SIDT1: variants seen among roughly 807,000 people sequenced by gnomAD.
The protein encoded by SIDT1 is SID1 transmembrane family member 1, also known as SID1 transmembrane family, member 1.
In SIDT1, 101 loss-of-function variants were observed where a neutral mutation model predicts 107.5. The ratio of observed to expected loss-of-function variants is 0.94; its 90% confidence interval spans 0.80 to 1.11. The LOEUF is 1.11. Among genes scored for constraint, SIDT1 ranks in the 50% least tolerant of loss-of-function variants. The pLI is 0.00. For synonymous variants in SIDT1, 395 were observed against 398.2 expected (o/e 0.99, Z 0.10); for missense variants, 1,076 against 1,058.2 (o/e 1.02, Z -0.23).
At chr3:113,636,928 C>T in the SIDT1 span, among the ~76,000 whole-genome samples, 1 of 152,178 alleles carries the variant, frequency 6.6e-6, no homozygotes, top group South Asian at 2.1e-4. Context: ...TCCTTAACAA[C>T]AGCCCTGTGA....
At chr3:113,624,115 C>A (rs1946678574) in intron 23 of SIDT1, among the ~76,000 whole-genome samples, 1 of 152,182 alleles carries the variant, frequency 6.6e-6, no homozygotes, top group African/African-American at 2.4e-5. Context: ...GATAACAGAG[C>A]CGAAGCCTAG....
chr3:113,554,398 T>C (rs934093299), intron 1 of SIDT1, among the ~76,000 whole-genome samples: 5 of 152,112 alleles, frequency 3.3e-5, no homozygotes, highest in Non-Finnish European at 7.4e-5. Context: ...GTAATCCCCA[T>C]GTGTCATGGG....
intron 14 of SIDT1, among the ~76,000 whole-genome samples, chr3:113,606,187 A>G (rs1293568383): frequency 6.6e-6 from 1 of 152,194 alleles, no homozygotes; most frequent in African/African-American, 2.4e-5. Flanking sequence ...GGCCTTCTAT[A>G]GAATTTATTA....
chr3:113,600,614 AG>A (rs1279609234), intron 10 of SIDT1, among the ~76,000 whole-genome samples: 30 of 152,348 alleles, frequency 2.0e-4, no homozygotes, highest in South Asian at 4.1e-4. Context: ...GCAGCAGCAA[AG>A]CTCTATGCTG....
Position 113,616,166 on chromosome 3 carries a change from C to T in SIDT1, c.2033C>T (p.Pro678Leu). Residue 678 changes from proline to leucine, a missense_variant, in exon 20 of 25, where the codon CCT (proline) becomes CTT (leucine). Transcript: ENST00000264852. ...YTDCIQQCSR[P>L]LYMDRMVLLV... ...GACTGTATCCAGCAGTGTAGCCGAC[C>T]TCTATATATGGTATGTGCATGTTCC... 1 of 1,612,664 alleles carries T rather than the reference C, an allele frequency of 6.2e-7. No homozygotes were observed. Among genetic ancestry groups the T allele is most frequent in the Non-Finnish European group, 8.5e-7 (1 of 1,178,666 alleles).
At chr3:113,608,347 T>A in intron 16 of SIDT1, 72 bp from the exon 17 acceptor site, 2 of 1,536,580 alleles carry the variant, frequency 1.3e-6, no homozygotes, top group Non-Finnish European at 1.8e-6. Context: ...CAGAAGCATG[T>A]GCTTCCAGAT....
intron 1 of SIDT1, among the ~76,000 whole-genome samples, chr3:113,538,931 A>G (rs948131114): frequency 5.3e-5 from 8 of 152,134 alleles, no homozygotes; most frequent in African/African-American, 1.7e-4. Flanking sequence ...TCTTTTTTTT[A>G]TGGTAGCCAC....
At chr3:113,560,955 G>T (rs1941375771) in intron 1 of SIDT1, among the ~76,000 whole-genome samples, 2 of 152,060 alleles carry the variant, frequency 1.3e-5, no homozygotes, top group Non-Finnish European at 2.9e-5. Context: ...ATCTCTCTTA[G>T]CTAGCTATAA....
chr3:113,616,693 A>AT (rs33991386), intron 20 of SIDT1, among the ~76,000 whole-genome samples: 16,458 of 146,582 alleles, frequency 0.11, 984 homozygotes, highest in Non-Finnish European at 0.13. Context: ...ATAATAAAGA[A>AT]TTTTTTTTTT....
At chr3:113,588,805 G>A (rs1175004892) in intron 9 of SIDT1, 2 of 143,742 alleles carry the variant, frequency 1.4e-5, no homozygotes, top group Non-Finnish European at 3.0e-5. Flanking sequence ...CCACAATAAT[G>A]CTACATTAAA....
chr3:113,621,464 G>A (rs1025910171), intron 21 of SIDT1, among the ~76,000 whole-genome samples: 3 of 151,806 alleles, frequency 2.0e-5, no homozygotes, highest in Non-Finnish European at 2.9e-5. Context: ...AAAAAAGAAC[G>A]AAGTCAGTTG....
chr3:113,590,528 T>A (rs187564784), intron 9 of SIDT1, among the ~76,000 whole-genome samples: 4 of 152,366 alleles, frequency 2.6e-5, no homozygotes, highest in African/African-American at 7.2e-5. Flanking sequence ...ATTCTGTGAT[T>A]TTTTAGGATA....
intron 1 of SIDT1, among the ~76,000 whole-genome samples, chr3:113,553,770 G>T (rs1022238326): frequency 1.3e-5 from 2 of 152,204 alleles, no homozygotes; most frequent in Non-Finnish European, 1.5e-5. Context: ...ATGAAGCCAG[G>T]CGTGGTGGCT....
chr3:113,611,067 C>T lies in SIDT1; in HGVS notation c.1780C>T (p.His594Tyr). 6.2e-7 allele frequency: 1 copy of T among 1,614,150 alleles called. No homozygotes were observed. Among genetic ancestry groups the T allele is most frequent in the Non-Finnish European group, 8.5e-7 (1 of 1,180,020 alleles). ...CATGCTGAAGCTCTATCAGACCCGC[C>T]ACCCAGACATCAATGCCAGCGCCTA... ...LCMLKLYQTR[H>Y]PDINASAYSA... Residue 594 changes from histidine (H) to tyrosine (Y), a missense_variant, in exon 18 of 25, where the codon CAC becomes TAC. Coordinates refer to ENST00000264852, the MANE Select transcript of SIDT1 (RefSeq NM_017699.3).
intron 19 of SIDT1, chr3:113,615,145 C>A: frequency 6.8e-7 from 1 of 1,476,986 alleles, no homozygotes; most frequent in Non-Finnish European, 9.1e-7. Context: ...CCTGGCTGTC[C>A]TGGCAGCCCT....
intron 1 of SIDT1, among the ~76,000 whole-genome samples, chr3:113,537,775 G>A (rs1300982846): frequency 3.9e-5 from 6 of 152,284 alleles, no homozygotes; most frequent in African/African-American, 1.2e-4. Flanking sequence ...AGTCTTTCAC[G>A]TGTCCTCTTC....
At chr3:113,614,923 A>T (rs970873168) in intron 19 of SIDT1, 5 of 799,220 alleles carry the variant, frequency 6.3e-6, no homozygotes, top group Non-Finnish European at 1.0e-5. Flanking sequence ...ACAAGTAAGC[A>T]TTACTTTTAT....
At chr3:113,573,998 C>T (rs1202296090) in intron 3 of SIDT1, among the ~76,000 whole-genome samples, 1 of 152,108 alleles carries the variant, frequency 6.6e-6, no homozygotes, top group Non-Finnish European at 1.5e-5. Flanking sequence ...ACATGGAATA[C>T]TCCTAGAAGC....
intron 10 of SIDT1, among the ~76,000 whole-genome samples, chr3:113,598,851 G>A (rs116055004): frequency 6.6e-6 from 1 of 152,228 alleles, no homozygotes; most frequent in Non-Finnish European, 1.5e-5. Flanking sequence ...CTTAGACCAG[G>A]CATGGTGGCT....
Sources: allele counts gnomAD v4.1 joint callset (sites outside exome capture counted in the v4.1 genomes callset), GRCh38; gene constraint gnomAD v4.1.1; transcripts MANE v1.5; gene names NCBI Gene and HGNC (gene_info 2026-07-23, HGNC 2026-07-21).